The following ANO3 variants were observed in gnomAD, a reference collection of about 807,000 sequenced individuals.
ANO3 encodes the protein anoctamin-3.
Under a neutral mutation model 144.8 loss-of-function variants are expected in ANO3, and 99 were observed. The observed-to-expected ratio is 0.68, with a 90% confidence interval of 0.58 to 0.81. The LOEUF is 0.81. Ranked by LOEUF, ANO3 falls within the 30% of genes least tolerant of loss-of-function variation. The probability of loss-of-function intolerance (pLI) is 0.00; values close to 1 mark genes in which losing one functional copy is unlikely to be tolerated. For synonymous variants in ANO3, 414 were observed against 392.6 expected, an observed-to-expected ratio of 1.05 and a Z score of -0.64; for missense variants, 905 against 1,202.2, an observed-to-expected ratio of 0.75 and a Z score of 3.66.
intron 17 of ANO3, among the ~76,000 whole-genome samples, chr11:26,606,136 G>T (rs1290520895): frequency 2.0e-5 from 3 of 152,082 alleles, no homozygotes; most frequent in Non-Finnish European, 4.4e-5. Context: ...TGTATGTTGT[G>T]TCTTTGTTCT....
At chr11:26,573,773 G>A (rs1308626361) in intron 14 of ANO3, among the ~76,000 whole-genome samples, 1 of 152,028 alleles carries the variant, frequency 6.6e-6, no homozygotes, top group Non-Finnish European at 1.5e-5. Context: ...ATAATCAATT[G>A]ATTAGACCTC....
chr11:26,258,357 A>G (rs1853106724), intron 1 of ANO3, among the ~76,000 whole-genome samples: 1 of 152,198 alleles, frequency 6.6e-6, no homozygotes, highest in African/African-American at 2.4e-5. Flanking sequence ...ATATTAGTCA[A>G]CCATTCAACA....
At chr11:26,300,222 A>T (rs1854193989) in intron 1 of ANO3, among the ~76,000 whole-genome samples, 1 of 152,112 alleles carries the variant, frequency 6.6e-6, no homozygotes, top group Non-Finnish European at 1.5e-5. Context: ...ACACAGACAC[A>T]CACACACAGA....
intron 6 of ANO3, among the ~76,000 whole-genome samples, chr11:26,522,792 T>C (rs1590455176): frequency 6.6e-6 from 1 of 152,290 alleles, no homozygotes; most frequent in East Asian, 1.9e-4. Flanking sequence ...CATTTCGTTA[T>C]TGAATAAATA....
intron 1 of ANO3, among the ~76,000 whole-genome samples, chr11:26,245,589 A>G (rs1362880850): frequency 6.6e-6 from 1 of 152,254 alleles, no homozygotes; most frequent in Non-Finnish European, 1.5e-5. Context: ...TAATATACAT[A>G]GGAATATTGC....
At chr11:26,563,234 G>T (rs1850366615) in intron 14 of ANO3, 1 of 1,608,738 alleles carries the variant, frequency 6.2e-7, no homozygotes, top group African/African-American at 1.3e-5. Flanking sequence ...CACCTAAAAT[G>T]GCCCCGAATA....
intron 14 of ANO3, among the ~76,000 whole-genome samples, chr11:26,584,301 G>A (rs1851216618): frequency 6.6e-6 from 1 of 152,114 alleles, no homozygotes; most frequent in Admixed American, 6.6e-5. Context: ...TGGGATTACA[G>A]GTGTCTGCCA....
chr11:26,565,572 G>A, intron 14 of ANO3: 1 of 1,613,364 alleles, frequency 6.2e-7, no homozygotes, highest in Non-Finnish European at 8.5e-7. Context: ...ACTGCCCAAA[G>A]AATGCTCTGC....
chr11:26,510,143 A>ACT (rs1861604941), intron 5 of ANO3, among the ~76,000 whole-genome samples: 2 of 146,032 alleles, frequency 1.4e-5, no homozygotes, highest in South Asian at 2.2e-4. Context: ...AAAAAAAAAA[A>ACT]AAAAAAAAAA....
At chr11:26,544,690 C>G (rs1403476774) in intron 11 of ANO3, among the ~76,000 whole-genome samples, 2 of 146,340 alleles carry the variant, frequency 1.4e-5, no homozygotes, top group Non-Finnish European at 1.5e-5. Flanking sequence ...AAACATCACA[C>G]ATGCAATAAA....
intron 1 of ANO3, among the ~76,000 whole-genome samples, chr11:26,231,850 G>A (rs181886328): frequency 2.0e-5 from 3 of 152,176 alleles, no homozygotes; most frequent in Non-Finnish European, 2.9e-5. Flanking sequence ...ATTATTTGGA[G>A]TCAAACAGTC....
chr11:26,349,370 G>T (rs1339086156), intron 1 of ANO3, among the ~76,000 whole-genome samples: 2 of 152,092 alleles, frequency 1.3e-5, no homozygotes, highest in East Asian at 3.9e-4. Context: ...AATGTTTACA[G>T]TGCATAACAT....
intron 8 of ANO3, among the ~76,000 whole-genome samples, chr11:26,532,198 C>T (rs1849391881): frequency 6.6e-6 from 1 of 152,152 alleles, no homozygotes; most frequent in East Asian, 1.9e-4. Flanking sequence ...TCCCCATAGC[C>T]TATTTATCTC....
At chr11:26,275,467 ACT>A (rs1484358972) in intron 1 of ANO3, among the ~76,000 whole-genome samples, 3 of 152,086 alleles carry the variant, frequency 2.0e-5, no homozygotes, top group Non-Finnish European at 4.4e-5. Flanking sequence ...CCTTCTTTTG[ACT>A]AAATGCTGAA....
intron 1 of ANO3, among the ~76,000 whole-genome samples, chr11:26,208,525 A>G (rs1347904310): frequency 2.0e-5 from 3 of 151,806 alleles, no homozygotes; most frequent in Non-Finnish European, 4.4e-5. Context: ...AAAAAAAAAA[A>G]AAGGAATTGC....
intron 1 of ANO3, among the ~76,000 whole-genome samples, chr11:26,397,206 A>C (rs2133969790): frequency 6.6e-6 from 1 of 151,140 alleles, no homozygotes; most frequent in East Asian, 2.0e-4. Flanking sequence ...TTAGTACTTC[A>C]GTTCTCAGTA....
intron 1 of ANO3, among the ~76,000 whole-genome samples, chr11:26,231,691 C>T (rs1852403138): frequency 6.6e-6 from 1 of 152,108 alleles, no homozygotes; most frequent in African/African-American, 2.4e-5. Context: ...CTCTATGCCT[C>T]AATTTCAAAC....
At chr11:26,434,003 G>A (rs1348039581) in intron 1 of ANO3, among the ~76,000 whole-genome samples, 2 of 152,164 alleles carry the variant, frequency 1.3e-5, no homozygotes, top group Non-Finnish European at 2.9e-5. Context: ...CTGGTACAAT[G>A]TGGTTGTGAA....
intron 1 of ANO3, among the ~76,000 whole-genome samples, chr11:26,376,362 C>T (rs1856406875): frequency 6.6e-6 from 1 of 152,146 alleles, no homozygotes; most frequent in Non-Finnish European, 1.5e-5. Flanking sequence ...AAAATACTCA[C>T]ATCACAGGTA....
Sources: allele counts gnomAD v4.1 joint callset (sites outside exome capture counted in the v4.1 genomes callset), GRCh38; gene constraint gnomAD v4.1.1; transcripts MANE v1.5; gene names NCBI Gene and HGNC (gene_info 2026-07-23, HGNC 2026-07-21).